MAGI2: variants seen among roughly 807,000 people sequenced by gnomAD.
The protein encoded by MAGI2 is membrane-associated guanylate kinase, WW and PDZ domain-containing protein 2.
Under a neutral mutation model 133.3 loss-of-function variants are expected in MAGI2, and 35 were observed. The ratio of observed to expected loss-of-function variants is 0.26; its 90% CI spans 0.20 to 0.35. The LOEUF (loss-of-function observed/expected upper bound fraction) is 0.35, where lower values mean the gene tolerates loss of function less well. Ranked by LOEUF, MAGI2 falls within the 10% of genes least tolerant of loss-of-function variation. MAGI2 has a pLI of 1.00. For synonymous variants in MAGI2, 729 were observed against 710.6 expected (o/e 1.03, Z -0.41); for missense variants, 1,636 against 1,863.4 (o/e 0.88, Z 2.25).
At chr7:78,889,782 T>C (rs2151565476) in intron 2 of MAGI2, among the ~76,000 whole-genome samples, 1 of 152,206 alleles carries the variant, frequency 6.6e-6, no homozygotes, top group Non-Finnish European at 1.5e-5. Context: ...ACATGCCAAA[T>C]TGTGAAGACC....
chr7:79,298,012 T>C (rs1318308074), intron 1 of MAGI2, among the ~76,000 whole-genome samples: 1 of 152,206 alleles, frequency 6.6e-6, no homozygotes, highest in Non-Finnish European at 1.5e-5. Context: ...CAGCAAGGAC[T>C]AAAACCTGTG....
chr7:78,875,930 T>TG, intron 2 of MAGI2, among the ~76,000 whole-genome samples: 1 of 152,130 alleles, frequency 6.6e-6, no homozygotes, highest in Non-Finnish European at 1.5e-5. Context: ...AGATTAGATG[T>TG]GGGGAAAAAA....
At chr7:78,757,295 TTCTCCCTCCTTCTCTC>T (rs1395241132) in intron 2 of MAGI2, among the ~76,000 whole-genome samples, 2 of 123,968 alleles carry the variant, frequency 1.6e-5, no homozygotes, top group South Asian at 6.6e-4. Context: ...CCCTCCCTCC[TTCTCCCTCCTTCTCTC>T]TCTCTCTCTC....
intron 10 of MAGI2, among the ~76,000 whole-genome samples, chr7:78,210,544 T>C (rs959137010): frequency 6.6e-6 from 1 of 152,152 alleles, no homozygotes; most frequent in African/African-American, 2.4e-5. Context: ...TTTGGGAGTA[T>C]GGGTTCAAAT....
At chr7:78,807,460 A>T (rs965049582) in intron 2 of MAGI2, among the ~76,000 whole-genome samples, 1 of 152,020 alleles carries the variant, frequency 6.6e-6, no homozygotes, top group African/African-American at 2.4e-5. Flanking sequence ...TATTTTTTTC[A>T]TTCAGTCTGT....
chr7:78,076,852 CAAAAAAAAAAAAAAAA>C (rs1242148618), intron 21 of MAGI2, among the ~76,000 whole-genome samples: 1 of 42,548 alleles, frequency 2.4e-5, no homozygotes, highest in Non-Finnish European at 4.2e-5. Flanking sequence ...GACTCCGTCT[CAAAAAAAAAAAAAAAA>C]AAAAAAAAAA....
intron 2 of MAGI2, among the ~76,000 whole-genome samples, chr7:78,656,689 T>C (rs1189482802): frequency 6.6e-6 from 1 of 152,166 alleles, no homozygotes; most frequent in Non-Finnish European, 1.5e-5. Context: ...GAGATGAACA[T>C]ATTTGACTGC....
chr7:79,128,131 A>G (rs1820596236), intron 1 of MAGI2, among the ~76,000 whole-genome samples: 1 of 151,752 alleles, frequency 6.6e-6, no homozygotes, highest in South Asian at 2.1e-4. Flanking sequence ...ATTATTTCTG[A>G]GGGCTCTGTT....
chr7:79,373,392 A>G (rs943934755), intron 1 of MAGI2, among the ~76,000 whole-genome samples: 2 of 152,050 alleles, frequency 1.3e-5, no homozygotes, highest in Non-Finnish European at 2.9e-5. Context: ...TGTTTGACCA[A>G]TACAGTTCCC....
chr7:78,194,982 G>C lies in MAGI2; in HGVS notation c.2161C>G (p.Pro721Ala). 1 of 1,614,152 alleles carries C rather than the reference G, an allele frequency of 6.2e-7. No individual in the cohort carries two copies. The highest frequency in any genetic ancestry group is 8.5e-7 in the Non-Finnish European group (1 of 1,179,990). Residue 721 changes from proline to alanine, a missense_variant, in exon 12 of 22, where the codon CCT becomes GCT. Around this residue, in one of 5 missense-constraint regions of MAGI2, gnomAD observed 920 missense variants for 1,093.5 expected, o/e 0.84. Transcript: ENST00000354212. ...GGAAAGGAGCTCCTGTGAAGGGCAG[G>C]TGGGAAGGGCAGGTTCTGCGGTATG... ...PAIPQNLPFP[P>A]ALHRSSFPDS...
intron 1 of MAGI2, among the ~76,000 whole-genome samples, chr7:79,108,814 T>C (rs893469932): frequency 3.9e-5 from 6 of 152,152 alleles, no homozygotes; most frequent in African/African-American, 1.4e-4. Flanking sequence ...GTGGATCCCT[T>C]GTGGCTTCTT....
At chr7:78,109,598 C>T (rs1819150997) in intron 20 of MAGI2, among the ~76,000 whole-genome samples, 2 of 151,798 alleles carry the variant, frequency 1.3e-5, no homozygotes, top group Admixed American at 6.6e-5. Flanking sequence ...CGACACTGCA[C>T]TCCAGCCTGG....
chr7:79,092,480 C>A (rs575792238), intron 1 of MAGI2, among the ~76,000 whole-genome samples: 1 of 152,226 alleles, frequency 6.6e-6, no homozygotes, highest in South Asian at 2.1e-4. Flanking sequence ...AAGTTTTTAA[C>A]TTGGCCCCAG....
At chr7:79,263,961 C>G (rs1834260769) in intron 1 of MAGI2, among the ~76,000 whole-genome samples, 1 of 152,098 alleles carries the variant, frequency 6.6e-6, no homozygotes. Flanking sequence ...TCCCCAATCT[C>G]AAACAAAATT....
At chr7:79,133,508 A>G (rs1017783975) in intron 1 of MAGI2, among the ~76,000 whole-genome samples, 7 of 152,156 alleles carry the variant, frequency 4.6e-5, no homozygotes, top group Non-Finnish European at 8.8e-5. Flanking sequence ...CCATTGTCCC[A>G]TATCCTTATT....
intron 2 of MAGI2, chr7:79,006,764 A>T (rs1166080915): frequency 5.0e-6 from 1 of 201,604 alleles, no homozygotes; most frequent in East Asian, 1.1e-4. Context: ...CTGTCTCCCA[A>T]TGTGGAGTTC....
At chr7:79,037,179 C>A (rs1811203435) in intron 1 of MAGI2, among the ~76,000 whole-genome samples, 1 of 152,036 alleles carries the variant, frequency 6.6e-6, no homozygotes. Flanking sequence ...AACAGCTTTC[C>A]CAAAGTATGT....
rs556336297 is a variant in MAGI2 at position 78,729,501 on chromosome 7, T to C, written c.419-102262A>G. Among the ~76,000 whole-genome samples the C allele has an allele frequency of 1.1e-4, 16 of 152,318 alleles. No individual in the cohort carries two copies. The East Asian group carries it at 2.5e-3, about 24-fold the overall frequency. Reference sequence around the variant, plus strand: ...AAACACTGTTAAGGGAGAAGGCATCTTGGCCAACAGACTCAGAGAATTACA... The same window carrying C: ...AAACACTGTTAAGGGAGAAGGCATCCTGGCCAACAGACTCAGAGAATTACA... On this transcript the variant is annotated intron_variant, in intron 2 of 21. Transcript: ENST00000354212.
At chr7:78,814,770 T>G (rs993992090) in intron 2 of MAGI2, among the ~76,000 whole-genome samples, 2 of 152,188 alleles carry the variant, frequency 1.3e-5, no homozygotes, top group African/African-American at 4.8e-5. Flanking sequence ...TCTCCCAGGA[T>G]GAAGTGCAGT....
Sources: allele counts gnomAD v4.1 joint callset (sites outside exome capture counted in the v4.1 genomes callset), GRCh38; gene constraint gnomAD v4.1.1; regional missense constraint gnomAD v4.1.1; transcripts MANE v1.5; gene names NCBI Gene and HGNC (gene_info 2026-07-23, HGNC 2026-07-21).